Variants in GPR139 observed in about 807,000 individuals in gnomAD.
GPR139 encodes G protein-coupled receptor 139, also known as probable G protein-coupled receptor 139.
Under a neutral mutation model 25.8 loss-of-function variants are expected in GPR139, and 12 were observed. That is an observed-to-expected ratio of 0.47 (90% confidence interval 0.30 to 0.75). The LOEUF (loss-of-function observed/expected upper bound fraction) is 0.75, where lower values mean the gene tolerates loss of function less well. GPR139 is among the 30% of genes least tolerant of loss of function. The pLI is 0.07. For synonymous variants in GPR139, 184 were observed against 179.9 expected (o/e 1.02, Z -0.18); for missense variants, 380 against 450.2 (o/e 0.84, Z 1.41).
chr16:20,040,137 C>T (rs1027972104), intron 1 of GPR139, among the ~76,000 whole-genome samples: 5 of 152,140 alleles, frequency 3.3e-5, no homozygotes, highest in Non-Finnish European at 7.3e-5. Context: ...AATGAGCCAT[C>T]GTGGATATCC....
chr16:20,066,205 C>T (rs2057433488), intron 1 of GPR139, among the ~76,000 whole-genome samples: 1 of 152,214 alleles, frequency 6.6e-6, no homozygotes, highest in Non-Finnish European at 1.5e-5. Context: ...TCATGGTGCC[C>T]TCTGCAGGGC....
chr16:20,041,314 G>C (rs1349266572), intron 1 of GPR139, among the ~76,000 whole-genome samples: 1 of 144,888 alleles, frequency 6.9e-6, no homozygotes, highest in Non-Finnish European at 1.5e-5. Flanking sequence ...AGAAAAGTCA[G>C]CGCTTATGTT....
At chr16:20,048,022 G>T (rs1006230934) in intron 1 of GPR139, among the ~76,000 whole-genome samples, 3 of 152,166 alleles carry the variant, frequency 2.0e-5, no homozygotes, top group African/African-American at 7.2e-5. Flanking sequence ...CTGCTTTGCT[G>T]ATTATTATTA....
chr16:20,073,544 A>G lies in GPR139; in HGVS notation c.73T>C (p.Leu25=). The G allele has an allele frequency of 2.5e-6, 4 of 1,605,988 alleles. No homozygotes were observed. The highest frequency in any genetic ancestry group is 3.4e-6 in the Non-Finnish European group (4 of 1,176,820). The change falls in exon 1 of 2, where the codon TTG becomes CTG. Residue 25 remains leucine (L), a synonymous_variant. Coordinates refer to ENST00000570682, the MANE Select transcript of GPR139 (RefSeq NM_001002911.4). This position sits in a 1 kb window ranked among gnomAD's most constrained non-coding sequence, Gnocchi z 4.7. Reference sequence around the variant, plus strand: ...TAGTAGACCACGGGCACGAAACCCAAGCCGCAGGCCGAGCCGGGGGACCAC... The same window carrying G: ...TAGTAGACCACGGGCACGAAACCCAGGCCGCAGGCCGAGCCGGGGGACCAC... The part of the protein sequence containing the change: ...SWWSPGSACG[L]GFVPVVYYSL...
intron 1 of GPR139, among the ~76,000 whole-genome samples, chr16:20,052,760 G>C (rs558782180): frequency 1.4e-5 from 2 of 145,002 alleles, no homozygotes; most frequent in South Asian, 4.6e-4. Context: ...CTGCACTCAA[G>C]CCTGGGTGAC....
intron 1 of GPR139, among the ~76,000 whole-genome samples, chr16:20,050,863 A>G (rs1266018320): frequency 6.6e-6 from 1 of 152,022 alleles, no homozygotes; most frequent in Non-Finnish European, 1.5e-5. Flanking sequence ...GGAGTTCAAG[A>G]CCAGCCTGGG....
rs531755629 is a variant in GPR139, at chr16:20,034,475, C to G, written c.128-1806G>C. Among the ~76,000 whole-genome samples, 58 of 152,324 alleles carry G rather than the reference C, an allele frequency of 3.8e-4. 2 individuals carry two copies. In the South Asian group the frequency reaches 9.8e-3, roughly 26 times the overall value. The stretch of plus-strand genomic sequence containing the variant: ...CTTTTCCATCTTCTTTCTCTAGAGG[C>G]AACCACCATGCTGCAGGCTGTGTGC... On this transcript the variant is annotated intron_variant, in intron 1 of 1. Coordinates refer to ENST00000570682, the MANE Select transcript of GPR139 (RefSeq NM_001002911.4).
intron 1 of GPR139, among the ~76,000 whole-genome samples, chr16:20,053,744 A>G (rs1373714011): frequency 1.3e-5 from 2 of 152,212 alleles, no homozygotes; most frequent in Non-Finnish European, 2.9e-5. Flanking sequence ...ATAGCAGAAA[A>G]TTAAAATATC....
chr16:20,039,639 AG>A (rs1443571987), intron 1 of GPR139, among the ~76,000 whole-genome samples: 1 of 152,190 alleles, frequency 6.6e-6, no homozygotes, highest in South Asian at 2.1e-4. Context: ...AAAAGCCCTG[AG>A]GTTCAGAGAG....
chr16:20,066,885 G>C (rs1176733645), intron 1 of GPR139, among the ~76,000 whole-genome samples: 1 of 152,198 alleles, frequency 6.6e-6, no homozygotes, highest in African/African-American at 2.4e-5. Context: ...CTGAGGCTCA[G>C]AGAAGGTGAG....
chr16:20,069,650 T>C (rs1183168790), intron 1 of GPR139, among the ~76,000 whole-genome samples: 1 of 152,220 alleles, frequency 6.6e-6, no homozygotes, highest in Non-Finnish European at 1.5e-5. Flanking sequence ...TTTCAAGCTA[T>C]CATCTCTTTC....
intron 1 of GPR139, among the ~76,000 whole-genome samples, chr16:20,044,402 CT>C (rs1243199848): frequency 6.6e-6 from 1 of 152,318 alleles, no homozygotes; most frequent in Non-Finnish European, 1.5e-5. Context: ...AGCCATCTTC[CT>C]TCTTAAGACC....
At chr16:20,063,008 A>T (rs1221757802) in intron 1 of GPR139, among the ~76,000 whole-genome samples, 1 of 152,246 alleles carries the variant, frequency 6.6e-6, no homozygotes, top group Non-Finnish European at 1.5e-5. Flanking sequence ...CACATACTCA[A>T]GTTGTTCCAA....
At chr16:20,051,857 C>T (rs1420198443) in intron 1 of GPR139, among the ~76,000 whole-genome samples, 1 of 152,144 alleles carries the variant, frequency 6.6e-6, no homozygotes, top group East Asian at 1.9e-4. Flanking sequence ...AGAAGCAATG[C>T]CTTCTCGGCT....
At chr16:20,063,119 G>A (rs2057419622) in intron 1 of GPR139, among the ~76,000 whole-genome samples, 1 of 152,214 alleles carries the variant, frequency 6.6e-6, no homozygotes, top group Admixed American at 6.5e-5. Flanking sequence ...AGTTGCACTA[G>A]TCAAATATCA....
At chr16:20,056,912 G>T (rs376337027) in intron 1 of GPR139, among the ~76,000 whole-genome samples, 87 of 152,260 alleles carry the variant, frequency 5.7e-4, no homozygotes, top group African/African-American at 2.0e-3. Flanking sequence ...GTTAGGTGTG[G>T]GGTGTAGAGG....
At chr16:20,057,507 ACCATCCATCCAT>A (rs892849542) in intron 1 of GPR139, among the ~76,000 whole-genome samples, 2 of 151,572 alleles carry the variant, frequency 1.3e-5, no homozygotes, top group African/African-American at 4.9e-5. Context: ...ATCCATCTAT[ACCATCCATCCAT>A]CCATCCATCC....
chr16:20,057,097 GAC>G (rs1166762709), intron 1 of GPR139, among the ~76,000 whole-genome samples: 3 of 152,202 alleles, frequency 2.0e-5, no homozygotes, highest in Non-Finnish European at 4.4e-5. Flanking sequence ...GTGGTCTGTA[GAC>G]ACAGCATTTT....
rs2057276335 is a variant in GPR139, at chr16:20,028,703, C to T, written c.*3032G>A. ...TCTGTCATTCCCCTCATTTCCTTCCCCATGAGACATTTCAGCCGTCAAGTT... is the reference window on the plus strand; with the variant it reads ...TCTGTCATTCCCCTCATTTCCTTCCTCATGAGACATTTCAGCCGTCAAGTT... On this transcript the variant is annotated 3_prime_UTR_variant, in exon 2 of 2. Transcript: ENST00000570682. Among the ~76,000 whole-genome samples, 1 of 152,172 alleles carries T rather than the reference C, an allele frequency of 6.6e-6. No individual in the cohort carries two copies. The highest frequency in any genetic ancestry group is 1.5e-5 in the Non-Finnish European group (1 of 68,038).
Sources: allele counts gnomAD v4.1 joint callset (sites outside exome capture counted in the v4.1 genomes callset), GRCh38; gene constraint gnomAD v4.1.1; non-coding constraint Gnocchi (gnomAD v3.1); transcripts MANE v1.5; gene names NCBI Gene and HGNC (gene_info 2026-07-23, HGNC 2026-07-21).